TMTC2: variants seen among roughly 807,000 people sequenced by gnomAD.
The protein encoded by TMTC2 is transmembrane O-mannosyltransferase targeting cadherins 2.
A neutral mutation model predicts 82.4 loss-of-function variants in TMTC2; 43 were observed. The observed-to-expected ratio is 0.52, with a 90% CI of 0.41 to 0.67. The LOEUF is 0.67. Ranked by LOEUF, TMTC2 falls within the 30% of genes least tolerant of loss-of-function variation. The probability of loss-of-function intolerance (pLI) is 0.00; values close to 1 mark genes in which losing one functional copy is unlikely to be tolerated. For synonymous variants in TMTC2, 408 were observed against 381.9 expected, an observed-to-expected ratio of 1.07 and a Z score of -0.80; for missense variants, 919 against 1,012.4, an observed-to-expected ratio of 0.91 and a Z score of 1.25.
intron 4 of TMTC2, among the ~76,000 whole-genome samples, chr12:82,963,794 T>C (rs1836250): frequency 0.89 from 26,449 of 29,702 alleles, 11,633 homozygotes; most frequent in East Asian, 0.98. Flanking sequence ...CAGATTTTCA[T>C]ATATATATAT....
chr12:82,722,092 A>G (rs947093504), intron 1 of TMTC2, among the ~76,000 whole-genome samples: 5 of 152,186 alleles, frequency 3.3e-5, no homozygotes, highest in Non-Finnish European at 5.9e-5. Context: ...ATTGTTCACC[A>G]GCTCTCCCAT....
intron 1 of TMTC2, among the ~76,000 whole-genome samples, chr12:82,754,276 T>C (rs193157447): frequency 1.2e-4 from 18 of 152,276 alleles, no homozygotes; most frequent in African/African-American, 4.1e-4. Flanking sequence ...AAGAAAACTG[T>C]TATTTTTTAA....
In TMTC2 at chr12:82,993,821, C is replaced by T. The variant is rs1171171911; in HGVS notation, c.2070+7775C>T. ...CAAGACATTAATGAGTGTAGAAAGACAGATTTATTTAGAGAAACGGGGGAG... is the reference window on the plus strand; with the variant it reads ...CAAGACATTAATGAGTGTAGAAAGATAGATTTATTTAGAGAAACGGGGGAG... On this transcript the variant is annotated intron_variant, in intron 8 of 11. Transcript: ENST00000321196. Among the ~76,000 whole-genome samples, 37 of 152,080 alleles carry T rather than the reference C, an allele frequency of 2.4e-4. 1 individual carries two copies. The highest frequency in any genetic ancestry group is 2.4e-3 in the Admixed American group (36 of 15,272).
At chr12:82,997,626 A>C (rs897145151) in intron 8 of TMTC2, among the ~76,000 whole-genome samples, 4 of 151,278 alleles carry the variant, frequency 2.6e-5, no homozygotes, top group African/African-American at 9.7e-5. Flanking sequence ...AATATGCTGA[A>C]ATTTAAGAAT....
At chr12:83,083,089 G>A (rs1883528755) in intron 11 of TMTC2, among the ~76,000 whole-genome samples, 1 of 152,162 alleles carries the variant, frequency 6.6e-6, no homozygotes, top group Admixed American at 6.5e-5. Flanking sequence ...AACTCAGAGG[G>A]CTTTTTACGG....
intron 4 of TMTC2, among the ~76,000 whole-genome samples, chr12:82,947,509 A>AT (rs369554975): frequency 1.4e-5 from 2 of 147,670 alleles, no homozygotes; most frequent in South Asian, 2.1e-4. Flanking sequence ...TGCCCGGCTA[A>AT]TTTTTTGTAT....
intron 1 of TMTC2, among the ~76,000 whole-genome samples, chr12:82,828,011 G>A (rs1368334151): frequency 2.1e-5 from 3 of 145,986 alleles, no homozygotes; most frequent in South Asian, 4.4e-4. Context: ...TCCTGTCTCC[G>A]CCTCCTGAGT....
intron 1 of TMTC2, among the ~76,000 whole-genome samples, chr12:82,697,507 G>A (rs1342003776): frequency 1.3e-5 from 2 of 152,234 alleles, no homozygotes; most frequent in African/African-American, 4.8e-5. Flanking sequence ...AAATGGTTGA[G>A]TATAAGGTGT....
intron 2 of TMTC2, among the ~76,000 whole-genome samples, chr12:82,878,524 G>A (rs1405071838): frequency 6.6e-6 from 1 of 152,154 alleles, no homozygotes; most frequent in Non-Finnish European, 1.5e-5. Flanking sequence ...GTGGATGGAT[G>A]GGAGTTTGGT....
intron 4 of TMTC2, among the ~76,000 whole-genome samples, chr12:82,948,115 C>T (rs1384036651): frequency 6.6e-6 from 1 of 152,158 alleles, no homozygotes; most frequent in Non-Finnish European, 1.5e-5. Flanking sequence ...ATCTGTAATC[C>T]AGCACTTTGG....
rs1592730489 is a variant in TMTC2 at position 83,074,503 on chromosome 12, G to A, written c.2331+12672G>A. 2.6e-5 allele frequency among the ~76,000 whole-genome samples: 4 copies of A among 152,240 alleles called. 1 individual carries two copies. In the South Asian group the frequency reaches 8.3e-4, roughly 32 times the overall value. On this transcript the variant is annotated intron_variant, in intron 11 of 11. Transcript: ENST00000321196. ...GTGTCTGAGCCCAGACTCTCCTTGG[G>A]TGGGTCTTGCTGCAGCTGCTCTAGG...
intron 3 of TMTC2, among the ~76,000 whole-genome samples, chr12:82,923,333 T>C (rs1875504268): frequency 6.6e-6 from 1 of 152,202 alleles, no homozygotes; most frequent in Non-Finnish European, 1.5e-5. Context: ...TTTTCCTCTA[T>C]TGGATTTCTT....
chr12:82,831,089 A>G (rs1376877993), intron 1 of TMTC2, among the ~76,000 whole-genome samples: 2 of 152,246 alleles, frequency 1.3e-5, no homozygotes, highest in African/African-American at 4.8e-5. Flanking sequence ...GTTCTGGGTG[A>G]TAGGAGGTGT....
At chr12:82,867,329 T>C (rs1323937025) in intron 2 of TMTC2, among the ~76,000 whole-genome samples, 1 of 152,226 alleles carries the variant, frequency 6.6e-6, no homozygotes, top group Non-Finnish European at 1.5e-5. Flanking sequence ...TCAAATAAAA[T>C]GCAGAGATCA....
chr12:82,862,613 G>C (rs992461089), intron 2 of TMTC2, among the ~76,000 whole-genome samples: 27 of 152,096 alleles, frequency 1.8e-4, no homozygotes, highest in Admixed American at 1.6e-3. Flanking sequence ...ATTAAATTTT[G>C]TGACTCTGTT....
chr12:83,118,959 G>A (rs911360714), intron 11 of TMTC2, among the ~76,000 whole-genome samples: 2 of 152,006 alleles, frequency 1.3e-5, no homozygotes, highest in African/African-American at 4.8e-5. Context: ...GTTCATAGTG[G>A]CGCTGAATGA....
At chr12:82,892,908 G>A (rs888756606) in intron 2 of TMTC2, among the ~76,000 whole-genome samples, 8 of 152,186 alleles carry the variant, frequency 5.3e-5, no homozygotes, top group East Asian at 1.9e-4. Flanking sequence ...TGATTGATCC[G>A]ATCATGTTAT....
At chr12:82,793,584 C>T (rs991555508) in intron 1 of TMTC2, among the ~76,000 whole-genome samples, 27 of 151,846 alleles carry the variant, frequency 1.8e-4, no homozygotes, top group Non-Finnish European at 3.8e-4. Flanking sequence ...TCAAATGACA[C>T]GATTTAATTT....
chr12:83,054,917 G>A (rs1882484711), intron 10 of TMTC2, among the ~76,000 whole-genome samples: 1 of 151,986 alleles, frequency 6.6e-6, no homozygotes, highest in Non-Finnish European at 1.5e-5. Context: ...GTGTACTAAA[G>A]AATCATTCTT....
Sources: gnomAD v4.1 joint callset for allele counts (sites outside exome capture counted in the v4.1 genomes callset) on GRCh38, gnomAD v4.1.1 for gene constraint, MANE v1.5 for transcripts, NCBI Gene and HGNC (gene_info 2026-07-23, HGNC 2026-07-21) for gene names.